ZMAT4: variants seen among roughly 807,000 people sequenced by gnomAD.
The protein encoded by ZMAT4 is zinc finger matrin-type protein 4.
Under a neutral mutation model 28.7 loss-of-function variants are expected in ZMAT4, and 17 were observed. The observed-to-expected ratio is 0.59, with a 90% CI of 0.41 to 0.89. The LOEUF is 0.89. Among genes scored for constraint, ZMAT4 ranks in the 40% least tolerant of loss-of-function variants. The probability of loss-of-function intolerance (pLI) is 0.00; values close to 1 mark genes in which losing one functional copy is unlikely to be tolerated. For missense variants in ZMAT4, 240 were observed against 283.8 expected (o/e 0.85, Z 1.11); for synonymous variants, 117 against 109.2 (o/e 1.07, Z -0.44).
At position 40,755,706 on chromosome 8, in the gene ZMAT4, G is replaced by A. The variant is rs112395850; in HGVS notation, c.192+11935C>T. ...GGACTCAAGCAATCTGCCCGCCTTG[G>A]CCTCCCAAAATGCTGGGATTAAGGG... On this transcript the variant is annotated intron_variant, in intron 3 of 6. Transcript: ENST00000297737. Among the ~76,000 whole-genome samples, 1,402 of 152,192 alleles carry A rather than the reference G, an allele frequency of 9.2e-3. 22 individuals carry two copies. The highest frequency in any genetic ancestry group is 0.033 in the African/African-American group (1,352 of 41,506).
At chr8:40,659,362 T>A (rs1291651758) in intron 5 of ZMAT4, among the ~76,000 whole-genome samples, 1 of 152,118 alleles carries the variant, frequency 6.6e-6, no homozygotes, top group Non-Finnish European at 1.5e-5. Context: ...ACCTCCAAAG[T>A]TCCTCATATG....
intron 6 of ZMAT4, among the ~76,000 whole-genome samples, chr8:40,567,782 T>C (rs1262319834): frequency 6.6e-6 from 1 of 151,954 alleles, no homozygotes; most frequent in Admixed American, 6.6e-5. Context: ...TAAATAACAG[T>C]GTTTAACACT....
chr8:40,766,634 C>T (rs753509354), intron 3 of ZMAT4, among the ~76,000 whole-genome samples: 1 of 152,208 alleles, frequency 6.6e-6, no homozygotes, highest in Non-Finnish European at 1.5e-5. Flanking sequence ...CCAGATTAGT[C>T]TGTGTATGAA....
intron 3 of ZMAT4, among the ~76,000 whole-genome samples, chr8:40,751,953 G>A (rs1812470795): frequency 6.6e-6 from 1 of 152,160 alleles, no homozygotes; most frequent in African/African-American, 2.4e-5. Flanking sequence ...TCCTCCTAAA[G>A]TCTAACGCTG....
intron 1 of ZMAT4, among the ~76,000 whole-genome samples, chr8:40,837,766 C>T (rs552167345): frequency 5.3e-5 from 8 of 152,268 alleles, no homozygotes; most frequent in African/African-American, 1.4e-4. Context: ...TCAAGCAACT[C>T]GTGGGAAAGC....
At position 40,620,643 on chromosome 8, in the gene ZMAT4, C is replaced by A. The variant is rs141825647; in HGVS notation, c.578-39382G>T. Reference sequence around the variant, plus strand: ...TTATCCAATTAACAATTCCTCACTCCCATCACTTGTTTTACAAATGTTATT... The same window carrying A: ...TTATCCAATTAACAATTCCTCACTCACATCACTTGTTTTACAAATGTTATT... On this transcript the variant is annotated intron_variant, in intron 5 of 6. Coordinates refer to ENST00000297737, the MANE Select transcript of ZMAT4 (RefSeq NM_024645.3). 1.1e-4 allele frequency among the ~76,000 whole-genome samples: 16 copies of A among 152,276 alleles called. No individual in the cohort carries two copies. The East Asian group carries it at 3.1e-3, about 29-fold the overall frequency.
At chr8:40,795,402 AC>A (rs1814552102) in intron 2 of ZMAT4, among the ~76,000 whole-genome samples, 1 of 152,196 alleles carries the variant, frequency 6.6e-6, no homozygotes, top group South Asian at 2.1e-4. Context: ...CCTTATGAAT[AC>A]CATGATCACC....
At chr8:40,837,715 G>A (rs914251680) in intron 1 of ZMAT4, among the ~76,000 whole-genome samples, 13 of 152,218 alleles carry the variant, frequency 8.5e-5, no homozygotes, top group African/African-American at 1.2e-4. Context: ...AGTACCGCTC[G>A]ATTTCTCATT....
At position 40,683,896 on chromosome 8, in the gene ZMAT4, C is replaced by A. The variant is rs529229561; in HGVS notation, c.350-8965G>T. 1.1e-4 allele frequency among the ~76,000 whole-genome samples: 16 copies of A among 152,114 alleles called. 1 individual carries two copies. The South Asian group carries it at 2.9e-3, about 28-fold the overall frequency. On this transcript the variant is annotated intron_variant, in intron 4 of 6. Transcript: ENST00000297737. ...CCTGGGCAACATGGCAAAACCCAGT[C>A]TCTACAAAAAATACAAAAATTAGAT...
At chr8:40,774,390 A>G (rs1201659170) in intron 2 of ZMAT4, among the ~76,000 whole-genome samples, 1 of 152,170 alleles carries the variant, frequency 6.6e-6, no homozygotes, top group African/African-American at 2.4e-5. Context: ...AGATGCAGAA[A>G]AAGCTAGCAC....
Position 40,674,893 on chromosome 8 carries a change from T to C in ZMAT4, c.388A>G (p.Thr130Ala). The part of the protein sequence containing the change: ...LSPLKPPRMD[T>A]APVVASPYQR... Reference sequence around the variant, plus strand: ...TAGGGAGATGCGACCACCGGAGCAGTGTCCATCCGTGGGGGCTTAAGTGGG... The same window carrying C: ...TAGGGAGATGCGACCACCGGAGCAGCGTCCATCCGTGGGGGCTTAAGTGGG... The change falls in exon 5 of 7, where the codon ACT becomes GCT. Residue 130 changes from threonine to alanine, a missense_variant. By Grantham distance (58) the Thr-to-Ala change is moderately conservative (BLOSUM62 0). Transcript: ENST00000297737. The C allele has an allele frequency of 6.2e-7, 1 of 1,612,730 alleles. No individual in the cohort carries two copies. The highest frequency in any genetic ancestry group is 8.5e-7 in the Non-Finnish European group (1 of 1,179,636).
intron 3 of ZMAT4, among the ~76,000 whole-genome samples, chr8:40,760,706 G>GAC (rs142193517): frequency 7.0e-6 from 1 of 142,402 alleles, no homozygotes; most frequent in Non-Finnish European, 1.5e-5. Flanking sequence ...CTCTGTCACA[G>GAC]TCTCTCTCTC....
At chr8:40,710,627 A>C (rs1370684655) in intron 3 of ZMAT4, among the ~76,000 whole-genome samples, 1 of 152,094 alleles carries the variant, frequency 6.6e-6, no homozygotes, top group East Asian at 1.9e-4. Context: ...GGGGGAAAAA[A>C]AAAAAGACTA....
chr8:40,588,695 T>C (rs1490545154), intron 5 of ZMAT4, among the ~76,000 whole-genome samples: 1 of 152,050 alleles, frequency 6.6e-6, no homozygotes, highest in Non-Finnish European at 1.5e-5. Flanking sequence ...GAACAAATAA[T>C]TTGGAAAATG....
chr8:40,621,154 C>T (rs1409049062), intron 5 of ZMAT4, among the ~76,000 whole-genome samples: 1 of 152,160 alleles, frequency 6.6e-6, no homozygotes, highest in Non-Finnish European at 1.5e-5. Context: ...AATCTCAGCC[C>T]TACCAGCGAG....
rs561205073 is a variant in ZMAT4 at position 40,623,461 on chromosome 8, A to G, written c.578-42200T>C. On this transcript the variant is annotated intron_variant, in intron 5 of 6. Transcript: ENST00000297737. ...AATGCCCAGCAGAACTATGGTAGCT[A>G]TATTCAGTTTTACTGATATCCAAGT... Among the ~76,000 whole-genome samples, 8 of 152,370 alleles carry G rather than the reference A, an allele frequency of 5.3e-5. No individual in the cohort carries two copies. In the South Asian group the frequency reaches 1.7e-3, roughly 32 times the overall value.
chr8:40,875,760 G>C (rs1167158345), intron 1 of ZMAT4, among the ~76,000 whole-genome samples: 1 of 152,156 alleles, frequency 6.6e-6, no homozygotes, highest in Non-Finnish European at 1.5e-5. Context: ...GGGCCGGTCA[G>C]GCAGTAAGAC....
At chr8:40,602,642 A>G (rs1267720836) in intron 5 of ZMAT4, among the ~76,000 whole-genome samples, 1 of 151,902 alleles carries the variant, frequency 6.6e-6, no homozygotes, top group Non-Finnish European at 1.5e-5. Flanking sequence ...AGCATTTTTC[A>G]TATGTTTTTT....
At chr8:40,728,992 C>G (rs973229215) in intron 3 of ZMAT4, among the ~76,000 whole-genome samples, 1 of 152,176 alleles carries the variant, frequency 6.6e-6, no homozygotes, top group African/African-American at 2.4e-5. Context: ...GAAACTTATC[C>G]ATGTTTTGCC....
Sources: allele counts gnomAD v4.1 joint callset (sites outside exome capture counted in the v4.1 genomes callset), GRCh38; gene constraint gnomAD v4.1.1; transcripts MANE v1.5; gene names NCBI Gene and HGNC (gene_info 2026-07-23, HGNC 2026-07-21).